The following LCA5 variants were observed in gnomAD, a reference collection of about 807,000 sequenced individuals.
LCA5 encodes the protein lebercilin.
In LCA5, 37 loss-of-function variants were observed where a neutral mutation model predicts 53.0. The observed-to-expected ratio is 0.70, with a 90% CI of 0.54 to 0.92. The LOEUF (loss-of-function observed/expected upper bound fraction) is 0.92, where lower values mean the gene tolerates loss of function less well. LCA5 is among the 40% of genes least tolerant of loss of function. LCA5 has a pLI of 0.00. For missense variants in LCA5, 806 were observed against 790.5 expected (o/e 1.02, Z -0.23); for synonymous variants, 303 against 282.9 (o/e 1.07, Z -0.71).
At chr6:79,532,125 T>C (rs78821970) in intron 1 of LCA5, among the ~76,000 whole-genome samples, 1,699 of 152,318 alleles carry the variant, frequency 0.011, 17 homozygotes, top group Middle Eastern at 0.027. Context: ...AATCTAAAGA[T>C]TGTCCTGGAT....
In LCA5 at chr6:79,487,219, C is replaced by A; in HGVS notation, c.1879G>T (p.Val627Leu). The change falls in exon 8 of 8, where the codon GTG (valine) becomes TTG (leucine). Residue 627 changes from valine (V) to leucine (L), a missense_variant. Val to Leu is a conservative substitution (Grantham distance 32). Transcript: ENST00000369846. Reference protein sequence around the residue: ...ISSKSSDPNSVASSKGDIDPL... With the variant: ...ISSKSSDPNSLASSKGDIDPL... ...TCAATGTCTCCTTTACTGGAAGCCA[C>A]AGAATTTGGGTCACTGCTTTTGGAG... 1.9e-6 allele frequency: 3 copies of A among 1,614,030 alleles called. No individual in the cohort carries two copies. The highest frequency in any genetic ancestry group is 1.7e-6 in the Non-Finnish European group (2 of 1,179,928).
chr6:79,510,148 A>G (rs1770374005), intron 3 of LCA5, among the ~76,000 whole-genome samples: 1 of 152,194 alleles, frequency 6.6e-6, no homozygotes, highest in Non-Finnish European at 1.5e-5. Flanking sequence ...AGTAACAACA[A>G]AGGAATAGAC....
In LCA5 at chr6:79,498,720, A is replaced by T. The variant is rs1429082130; in HGVS notation, c.721-4970T>A. On this transcript the variant is annotated intron_variant, in intron 3 of 7. Transcript: ENST00000369846. ...TAAAATATTAAGAAGAATTTTTTTT[A>T]AAAATTAAAAACACTGTTAAAAATT... Among the ~76,000 whole-genome samples the T allele has an allele frequency of 4.6e-5, 7 of 152,142 alleles. No individual in the cohort carries two copies. The East Asian group carries it at 5.8e-4, about 13-fold the overall frequency.
chr6:79,503,006 G>A (rs139474835), intron 3 of LCA5, among the ~76,000 whole-genome samples: 137 of 152,058 alleles, frequency 9.0e-4, no homozygotes, highest in African/African-American at 3.1e-3. Context: ...TCGGCCTCCC[G>A]AGAAACTGGG....
chr6:79,511,320 T>TA (rs1222337116), intron 3 of LCA5, among the ~76,000 whole-genome samples: 18 of 152,190 alleles, frequency 1.2e-4, no homozygotes, highest in African/African-American at 4.3e-4. Context: ...GAACTATTGA[T>TA]ATATGCAACC....
At chr6:79,528,031 G>C (rs1370622337) in intron 1 of LCA5, among the ~76,000 whole-genome samples, 1 of 152,068 alleles carries the variant, frequency 6.6e-6, no homozygotes, top group Admixed American at 6.5e-5. Flanking sequence ...TCAAATTTTC[G>C]GTACAAGCCC....
chr6:79,494,693 G>A (rs990423588), intron 3 of LCA5, among the ~76,000 whole-genome samples: 4 of 152,088 alleles, frequency 2.6e-5, no homozygotes, highest in Admixed American at 2.6e-4. Context: ...TCAATATACT[G>A]TAATAACACA....
chr6:79,490,384 T>C (rs189453314), intron 6 of LCA5, among the ~76,000 whole-genome samples: 5 of 152,202 alleles, frequency 3.3e-5, no homozygotes, highest in Admixed American at 3.3e-4. Context: ...ATGAGAAAGC[T>C]GAGGCTCCAA....
At chr6:79,513,883 C>T (rs754298583) in intron 2 of LCA5, 142 bp from the exon 3 acceptor site, 18 of 783,564 alleles carry the variant, frequency 2.3e-5, no homozygotes, top group African/African-American at 3.5e-5. Context: ...AGTAAAGTAT[C>T]AAGTTTTATT....
chr6:79,488,290 A>G (rs2127666410), intron 7 of LCA5: 1 of 161,404 alleles, frequency 6.2e-6, no homozygotes, highest in East Asian at 1.8e-4. Context: ...TAATTAAGAG[A>G]AAACTTCAGA....
At position 79,485,190 on chromosome 6, in the gene LCA5, C is replaced by G. The variant is rs959319867; in HGVS notation, c.*1814G>C. On this transcript the variant is annotated 3_prime_UTR_variant, in exon 8 of 8. Coordinates refer to ENST00000369846, the MANE Select transcript of LCA5 (RefSeq NM_001122769.3). Reference sequence around the variant, plus strand: ...TTAGGTTTAATTTTAATAATTCTGTCTTGTTGCATCTTGTTAAAGAGATTA... The same window carrying G: ...TTAGGTTTAATTTTAATAATTCTGTGTTGTTGCATCTTGTTAAAGAGATTA... 6.6e-6 allele frequency: 1 copy of G among 152,360 alleles called. No homozygotes were observed. The highest frequency in any genetic ancestry group is 2.4e-5 in the African/African-American group (1 of 41,364). The allele number at this position is 152,360 out of a possible 1,614,324, so 9.4% of individuals were successfully genotyped here. A position where few individuals can be genotyped will look rare whatever the true frequency, so the allele number is the denominator to read the frequency against.
In LCA5 at chr6:79,485,150, A is replaced by T. The variant is rs919587881; in HGVS notation, c.*1854T>A. ...ATGCTTAATATCATAATGCCTTTAA[A>T]TCTGTAACTTAACTTTAGGTTTAAT... On this transcript the variant is annotated 3_prime_UTR_variant, in exon 8 of 8. Transcript: ENST00000369846. The T allele has an allele frequency of 3.3e-5, 5 of 152,584 alleles. No homozygotes were observed. Among genetic ancestry groups the T allele is most frequent in the African/African-American group, 1.2e-4 (5 of 41,448 alleles). 9.5% of individuals were successfully genotyped at this position (152,584 alleles called of 1,614,324 possible).
At chr6:79,537,684 C>A (rs1055527114), upstream of LCA5, among the ~76,000 whole-genome samples, 1 of 151,980 alleles carries the variant, frequency 6.6e-6, no homozygotes. Context: ...GCGTCGTGGG[C>A]TCCGAGAGGG....
chr6:79,528,768 G>C (rs1156662016), intron 1 of LCA5, among the ~76,000 whole-genome samples: 2 of 152,100 alleles, frequency 1.3e-5, no homozygotes, highest in African/African-American at 4.8e-5. Context: ...CCTCAAAGGG[G>C]GTAGCTAGCC....
chr6:79,513,828 ATTC>A (rs574874670), intron 2 of LCA5, 87 bp from the exon 3 acceptor site: 1 of 1,212,702 alleles, frequency 8.2e-7, no homozygotes, highest in South Asian at 1.3e-5. Flanking sequence ...GGTCCGTAAC[ATTC>A]TTTAGTTATT....
intron 3 of LCA5, among the ~76,000 whole-genome samples, chr6:79,503,164 G>T (rs1034011441): frequency 1.3e-5 from 2 of 152,194 alleles, no homozygotes; most frequent in South Asian, 2.1e-4. Flanking sequence ...TTATAGGCAT[G>T]AGCTACTGCA....
In LCA5 at chr6:79,519,466, C is replaced by T. The variant is rs541059824; in HGVS notation, c.-191-381G>A. Among the ~76,000 whole-genome samples, 214 of 151,914 alleles carry T rather than the reference C, an allele frequency of 1.4e-3. 2 individuals are homozygous for T. The highest frequency in any genetic ancestry group is 2.6e-3 in the Non-Finnish European group (176 of 67,932). ...AGTAGTGGTGATAGTAAAGAACAAA[C>T]CTGCTAATAAGAATAAATACACTTT... On this transcript the variant is annotated intron_variant, in intron 1 of 7. Coordinates refer to ENST00000369846, the MANE Select transcript of LCA5 (RefSeq NM_001122769.3).
In LCA5 at chr6:79,491,667, T is replaced by C. The variant is rs577692224; in HGVS notation, c.1019A>G (p.Lys340Arg). 21 of 1,613,246 alleles carry C rather than the reference T, an allele frequency of 1.3e-5. No individual in the cohort carries two copies. The Admixed American group carries it at 2.3e-4, about 18-fold the overall frequency. Reference protein sequence around the residue: ...TKGVQTMEDFKPEEYPLTPET... With the variant: ...TKGVQTMEDFRPEEYPLTPET... ...TGGAGTTAAAGGATATTCTTCTGGC[T>C]TGAAGTCTTCCATGGTTTGTACTCC... Residue 340 changes from lysine (K) to arginine (R), a missense_variant, in exon 6 of 8, where the codon AAG becomes AGG. By Grantham distance (26) the Lys-to-Arg change is conservative (BLOSUM62 2). Coordinates refer to ENST00000369846, the MANE Select transcript of LCA5 (RefSeq NM_001122769.3).
At chr6:79,512,525 C>T (rs1277815127) in intron 3 of LCA5, among the ~76,000 whole-genome samples, 1 of 152,132 alleles carries the variant, frequency 6.6e-6, no homozygotes, top group Non-Finnish European at 1.5e-5. Flanking sequence ...CTCACGCTCA[C>T]AGCAAGCATT....
Sources: allele counts gnomAD v4.1 joint callset (sites outside exome capture counted in the v4.1 genomes callset), GRCh38; gene constraint gnomAD v4.1.1; transcripts MANE v1.5; gene names NCBI Gene and HGNC (gene_info 2026-07-23, HGNC 2026-07-21).